Variants in KCNN2 observed in about 807,000 individuals in gnomAD.
KCNN2 encodes small conductance calcium-activated potassium channel protein 2.
KCNN2 carries 24 observed loss-of-function variants against 55.5 expected under a neutral mutation model. That is an observed-to-expected ratio of 0.43 (90% CI 0.31 to 0.61). The LOEUF (loss-of-function observed/expected upper bound fraction) is 0.61, where lower values mean the gene tolerates loss of function less well. Ranked by LOEUF, KCNN2 falls within the 20% of genes least tolerant of loss-of-function variation. The probability of loss-of-function intolerance (pLI) is 0.08; values close to 1 mark genes in which losing one functional copy is unlikely to be tolerated. For missense variants in KCNN2, 754 were observed against 853.6 expected (o/e 0.88, Z 1.45); for synonymous variants, 431 against 336.1 (o/e 1.28, Z -3.09).
chr5:114,426,530 C>T (rs1759630150), intron 3 of KCNN2, among the ~76,000 whole-genome samples: 1 of 152,036 alleles, frequency 6.6e-6, no homozygotes, highest in African/African-American at 2.4e-5. Context: ...AGTGTTCCTT[C>T]CATTTTTTTA....
intron 1 of KCNN2, among the ~76,000 whole-genome samples, chr5:114,221,259 T>G (rs1015072521): frequency 2.0e-5 from 3 of 152,212 alleles, no homozygotes; most frequent in African/African-American, 7.2e-5. Flanking sequence ...TGCAAAGTGA[T>G]AGAATCTAGG....
intron 2 of KCNN2, among the ~76,000 whole-genome samples, chr5:114,399,889 C>T (rs1424960789): frequency 6.8e-6 from 1 of 147,638 alleles, no homozygotes; most frequent in Non-Finnish European, 1.5e-5. Context: ...AGCCTGTGTG[C>T]ATAGAGATGT....
chr5:114,123,621 C>A lies in KCNN2; in HGVS notation c.-271+67121C>A, dbSNP rs189592076. Among the ~76,000 whole-genome samples the A allele has an allele frequency of 7.8e-5, 5 of 63,802 alleles. 2 individuals are homozygous for A. Among genetic ancestry groups the A allele is most frequent in the Admixed American group, 6.4e-4 (5 of 7,752 alleles). 41.9% of individuals were successfully genotyped at this position (63,802 alleles called of 152,430 possible). A position where few individuals can be genotyped will look rare whatever the true frequency, so the allele number is the denominator to read the frequency against. On this transcript the variant is annotated intron_variant, in intron 1 of 10. Coordinates refer to the KCNN2 transcript ENST00000512097. ...CTCGTGATCCGCCCGCCTCGGCCTC[C>A]CAAAGTGCTGGGATTACAGGCGTGA... is the stretch of plus-strand genomic sequence containing the variant.
intron 1 of KCNN2, among the ~76,000 whole-genome samples, chr5:114,212,619 T>TA (rs5870583): frequency 0.11 from 17,317 of 150,820 alleles, 1,161 homozygotes; most frequent in Middle Eastern, 0.24. Flanking sequence ...AAGTCTAAAG[T>TA]AAAAAAAAAT....
chr5:114,150,385 A>T (rs377752230), intron 1 of KCNN2, among the ~76,000 whole-genome samples: 140 of 152,352 alleles, frequency 9.2e-4, no homozygotes, highest in African/African-American at 3.3e-3. Context: ...CTGAAAAACC[A>T]GTAAAACTTT....
chr5:114,081,819 G>A (rs28848624), intron 1 of KCNN2, among the ~76,000 whole-genome samples: 76,407 of 151,950 alleles, frequency 0.5, 20,617 homozygotes, highest in East Asian at 0.67. Context: ...CATCAATGGA[G>A]TAAAAGGACA....
chr5:114,406,960 C>G (rs1249506899), intron 3 of KCNN2, among the ~76,000 whole-genome samples: 1 of 152,132 alleles, frequency 6.6e-6, no homozygotes, highest in African/African-American at 2.4e-5. Context: ...TTGGAAATCA[C>G]TTTACTTCAG....
At chr5:114,461,099 GCT>G (rs947660302) in intron 3 of KCNN2, among the ~76,000 whole-genome samples, 7 of 152,148 alleles carry the variant, frequency 4.6e-5, no homozygotes, top group African/African-American at 1.7e-4. Context: ...TCCCATTGAA[GCT>G]CTGTTACATA....
chr5:114,119,674 T>C (rs763775771), intron 1 of KCNN2, among the ~76,000 whole-genome samples: 3 of 152,146 alleles, frequency 2.0e-5, no homozygotes, highest in Non-Finnish European at 4.4e-5. Flanking sequence ...AGACTCTGTT[T>C]AAGATCCACG....
intron 3 of KCNN2, among the ~76,000 whole-genome samples, chr5:114,411,164 G>A (rs934565408): frequency 7.2e-5 from 11 of 152,020 alleles, no homozygotes; most frequent in Non-Finnish European, 1.3e-4. Context: ...AGTATATTTT[G>A]TTCTTTCATT....
intron 4 of KCNN2, among the ~76,000 whole-genome samples, chr5:114,470,652 C>T (rs1298983536): frequency 6.6e-6 from 1 of 152,206 alleles, no homozygotes; most frequent in Non-Finnish European, 1.5e-5. Flanking sequence ...CTTTCATTGT[C>T]TGCATATGGC....
At position 114,232,925 on chromosome 5, in the gene KCNN2, G is replaced by GTTTTTTTTTTTTTTTTTTTTTT. The variant is rs10658266; in HGVS notation, c.-185+11373_-185+11374insTTTTTTTTTTTTTTTTTTTTTT. On this transcript the variant is annotated intron_variant, in intron 2 of 10. Coordinates refer to the KCNN2 transcript ENST00000512097. ...GAGGTAATTTTTTATATTGTTTCTT[G>GTTTTTTTTTTTTTTTTTTTTTT]TTTTTTTTTTTTTGAGACGGAGTCT... Among the ~76,000 whole-genome samples the GTTTTTTTTTTTTTTTTTTTTTT allele has an allele frequency of 2.9e-4, 22 of 76,272 alleles. 5 individuals carry two copies. Among genetic ancestry groups the GTTTTTTTTTTTTTTTTTTTTTT allele is most frequent in the East Asian group, 1.7e-3 (3 of 1,726 alleles). 50.0% of individuals were successfully genotyped at this position (76,272 alleles called of 152,430 possible). A position where few individuals can be genotyped will look rare whatever the true frequency, so the allele number is the denominator to read the frequency against.
chr5:114,201,369 G>A (rs1222979096), intron 1 of KCNN2, among the ~76,000 whole-genome samples: 1 of 152,170 alleles, frequency 6.6e-6, no homozygotes, highest in African/African-American at 2.4e-5. Flanking sequence ...TGGTCCAAGA[G>A]TGGGGCATAG....
chr5:114,460,531 A>G (rs1761145521), intron 3 of KCNN2, among the ~76,000 whole-genome samples: 1 of 152,146 alleles, frequency 6.6e-6, no homozygotes, highest in South Asian at 2.1e-4. Context: ...GGTGTGAGCC[A>G]CCACACCTGG....
At chr5:114,379,061 A>G (rs890379910) in intron 2 of KCNN2, among the ~76,000 whole-genome samples, 1 of 152,154 alleles carries the variant, frequency 6.6e-6, no homozygotes, top group African/African-American at 2.4e-5. Flanking sequence ...AACTCCCCTT[A>G]GAAGCCCCTC....
chr5:114,485,528 G>A (rs112798869), intron 5 of KCNN2, among the ~76,000 whole-genome samples: 1 of 152,244 alleles, frequency 6.6e-6, no homozygotes, highest in African/African-American at 2.4e-5. Flanking sequence ...TGGCTCTCCC[G>A]GCTGTCTGAG....
chr5:114,235,063 A>G (rs1367353143), intron 2 of KCNN2, among the ~76,000 whole-genome samples: 4 of 152,078 alleles, frequency 2.6e-5, no homozygotes, highest in Non-Finnish European at 5.9e-5. Flanking sequence ...TTGTTTTCTC[A>G]TCTCCCATAT....
chr5:114,285,611 A>T (rs1288601555), intron 2 of KCNN2, among the ~76,000 whole-genome samples: 2 of 152,156 alleles, frequency 1.3e-5, no homozygotes, highest in Admixed American at 1.3e-4. Context: ...AGCTTTTAAA[A>T]TTTTATTTTT....
intron 1 of KCNN2, among the ~76,000 whole-genome samples, chr5:114,142,097 T>A (rs538102824): frequency 2.0e-4 from 30 of 152,314 alleles, no homozygotes; most frequent in African/African-American, 7.2e-4. Context: ...TTCACTCTGA[T>A]GGTAGTTTCT....
Sources: gnomAD v4.1 joint callset for allele counts (sites outside exome capture counted in the v4.1 genomes callset) on GRCh38, gnomAD v4.1.1 for gene constraint, MANE v1.5 for transcripts, NCBI Gene and HGNC (gene_info 2026-07-23, HGNC 2026-07-21) for gene names.